The following NBEA variants were observed in gnomAD, a reference collection of about 807,000 sequenced individuals.
The protein encoded by NBEA is neurobeachin, also known as lysosomal-trafficking regulator 2.
NBEA carries 44 observed loss-of-function variants against 343.4 expected under a neutral mutation model. That is an observed-to-expected ratio of 0.13 (90% confidence interval 0.10 to 0.16). The LOEUF (loss-of-function observed/expected upper bound fraction) is 0.16. Ranked by LOEUF, NBEA falls within the 10% of genes least tolerant of loss-of-function variation. NBEA has a pLI of 1.00. For synonymous variants in NBEA, 1,175 were observed against 1,238.7 expected, an observed-to-expected ratio of 0.95 and a Z score of 1.08; for missense variants, 2,555 against 3,631.3, an observed-to-expected ratio of 0.70 and a Z score of 7.62.
intron 39 of NBEA, among the ~76,000 whole-genome samples, chr13:35,433,597 A>G (rs1423803472): frequency 6.6e-6 from 1 of 152,052 alleles, no homozygotes; most frequent in African/African-American, 2.4e-5. Context: ...GCATCAAAAT[A>G]TCATTAAAAA....
chr13:35,125,421 A>T (rs1324315535), intron 17 of NBEA, among the ~76,000 whole-genome samples: 2 of 152,216 alleles, frequency 1.3e-5, no homozygotes, highest in African/African-American at 2.4e-5. Flanking sequence ...GAAATAATAG[A>T]TATACATATA....
intron 17 of NBEA, among the ~76,000 whole-genome samples, chr13:35,136,892 A>G: frequency 6.6e-6 from 1 of 152,258 alleles, no homozygotes; most frequent in East Asian, 1.9e-4. Flanking sequence ...AAGTGAATTC[A>G]TTTGAAGTAG....
Position 35,023,182 on chromosome 13 carries a change from G to A in NBEA, c.295-17751G>A, listed in dbSNP as rs567105775. On this transcript the variant is annotated intron_variant, in intron 1 of 58. Coordinates refer to ENST00000379939, the MANE Select transcript of NBEA (RefSeq NM_001385012.1). Reference sequence around the variant, plus strand: ...ACCAAGGCTAAAAGGATAATATGGTGGCTTACACTATTCTTATTGTATATT... The same window carrying A: ...ACCAAGGCTAAAAGGATAATATGGTAGCTTACACTATTCTTATTGTATATT... Among the ~76,000 whole-genome samples, 6 of 152,040 alleles carry A rather than the reference G, an allele frequency of 3.9e-5. No individual in the cohort carries two copies. The East Asian group carries it at 1.2e-3, about 29-fold the overall frequency.
At chr13:34,986,085 T>C (rs894184552) in intron 1 of NBEA, among the ~76,000 whole-genome samples, 16 of 150,936 alleles carry the variant, frequency 1.1e-4, no homozygotes, top group African/African-American at 3.9e-4. Context: ...AGCTTTTGAA[T>C]GTGTTTGCTC....
intron 41 of NBEA, among the ~76,000 whole-genome samples, chr13:35,491,519 G>A (rs1013072936): frequency 3.6e-4 from 54 of 151,742 alleles, no homozygotes; most frequent in African/African-American, 1.3e-3. Flanking sequence ...GGTTTCTTAG[G>A]CCAACAACAT....
At chr13:35,137,828 A>T (rs551904959) in intron 17 of NBEA, among the ~76,000 whole-genome samples, 1 of 152,178 alleles carries the variant, frequency 6.6e-6, no homozygotes, top group Non-Finnish European at 1.5e-5. Context: ...AATAAAAATC[A>T]TTTTAAAATG....
rs1593302086 is a variant in NBEA at position 35,088,054 on chromosome 13, A to T, written c.1572-10243A>T. On this transcript the variant is annotated intron_variant, in intron 10 of 58. Coordinates refer to ENST00000379939, the MANE Select transcript of NBEA (RefSeq NM_001385012.1). ...AAGGTGCAGTGTTTTGGTATTTTGGATAGGTACTGAGGTATCACCTACCAT... is the reference window on the plus strand; with the variant it reads ...AAGGTGCAGTGTTTTGGTATTTTGGTTAGGTACTGAGGTATCACCTACCAT... Among the ~76,000 whole-genome samples, 2 of 151,934 alleles carry T rather than the reference A, an allele frequency of 1.3e-5. 1 individual carries two copies. The highest frequency in any genetic ancestry group is 4.8e-5 in the African/African-American group (2 of 41,480).
chr13:35,417,273 G>A (rs1379859024), intron 38 of NBEA, among the ~76,000 whole-genome samples: 2 of 151,812 alleles, frequency 1.3e-5, no homozygotes, highest in Admixed American at 1.3e-4. Flanking sequence ...TCTTCCTTCT[G>A]CTAGCTTTTG....
At chr13:35,082,037 A>G (rs2064434444) in intron 10 of NBEA, among the ~76,000 whole-genome samples, 1 of 152,118 alleles carries the variant, frequency 6.6e-6, no homozygotes, top group Admixed American at 6.6e-5. Context: ...ATTTAACATT[A>G]GGTATATCTC....
At chr13:35,285,194 T>A (rs574371344) in intron 34 of NBEA, among the ~76,000 whole-genome samples, 65 of 151,992 alleles carry the variant, frequency 4.3e-4, no homozygotes, top group African/African-American at 1.5e-3. Context: ...CTTTGGGAGG[T>A]CCAGGTGGAT....
chr13:35,098,139 T>C (rs2065434252), intron 10 of NBEA, among the ~76,000 whole-genome samples, 158 bp from the exon 11 acceptor site: 2 of 152,200 alleles, frequency 1.3e-5, no homozygotes, highest in African/African-American at 4.8e-5. Flanking sequence ...TATGAGGAAA[T>C]ATATTCTTTC....
At chr13:35,577,841 C>T (rs1286006458) in intron 45 of NBEA, among the ~76,000 whole-genome samples, 1 of 152,082 alleles carries the variant, frequency 6.6e-6, no homozygotes, top group African/African-American at 2.4e-5. Context: ...TAAGGCTTTA[C>T]AGATGCAATT....
At position 35,160,000 on chromosome 13, in the gene NBEA, A is replaced by G. The variant is rs760746615; in HGVS notation, c.3829A>G (p.Ile1277Val). The G allele has an allele frequency of 3.8e-6, 6 of 1,587,338 alleles. No homozygotes were observed. The highest frequency in any genetic ancestry group is 1.7e-4 in the Middle Eastern group (1 of 5,942). Residue 1277 changes from isoleucine to valine, a missense_variant, in exon 22 of 59, where the codon ATC becomes GTC. Ile to Val is a conservative substitution (Grantham distance 29). Coordinates refer to ENST00000379939, the MANE Select transcript of NBEA (RefSeq NM_001385012.1). ...CGATGGCAAAGAATCAGGAAAAGAA[A>G]TCCGAAAAATCCAAACAACTACTAC... ...SDDGKESGKE[I>V]RKIQTTTTTQ... is the part of the protein sequence containing the mutation.
At chr13:35,023,903 T>G (rs2061931020) in intron 1 of NBEA, among the ~76,000 whole-genome samples, 1 of 152,172 alleles carries the variant, frequency 6.6e-6, no homozygotes, top group African/African-American at 2.4e-5. Flanking sequence ...TGGGGGTTGG[T>G]GTACAAGTGA....
chr13:35,207,910 T>C (rs1220753075), intron 31 of NBEA, among the ~76,000 whole-genome samples: 2 of 152,152 alleles, frequency 1.3e-5, no homozygotes, highest in Admixed American at 6.6e-5. Context: ...AGCTTTACTA[T>C]GAAGAAGCTT....
rs141002598 is a variant in NBEA at position 35,240,553 on chromosome 13, T to G, written c.5776+7934T>G. Among the ~76,000 whole-genome samples, 1,336 of 152,040 alleles carry G rather than the reference T, an allele frequency of 8.8e-3. 20 individuals are homozygous for G. Among genetic ancestry groups the G allele is most frequent in the Non-Finnish European group, 0.012 (845 of 67,848 alleles). On this transcript the variant is annotated intron_variant, in intron 34 of 58. Transcript: ENST00000379939. ...TACCATGGGAACTCAATAATCAAAA[T>G]TAATACTGGAGGAAATTCTGCAATA...
rs368350232 is a variant in NBEA, at chr13:35,573,959, T to C, written c.7035+6942T>C. 4.3e-4 allele frequency among the ~76,000 whole-genome samples: 66 copies of C among 152,336 alleles called. No individual in the cohort carries two copies. In the East Asian group the frequency reaches 9.3e-3, roughly 21 times the overall value. Reference sequence around the variant, plus strand: ...TAGAAGTGATCTTGAAACTAATTTGTAGCCCCATCATTATCCTTCTACTTA... The same window carrying C: ...TAGAAGTGATCTTGAAACTAATTTGCAGCCCCATCATTATCCTTCTACTTA... On this transcript the variant is annotated intron_variant, in intron 45 of 58. Transcript: ENST00000379939.
At chr13:35,644,903 A>C (rs2153075735) in intron 49 of NBEA, among the ~76,000 whole-genome samples, 1 of 152,348 alleles carries the variant, frequency 6.6e-6, no homozygotes, top group South Asian at 2.1e-4. Flanking sequence ...AAATGTATAC[A>C]TAAAAATTGG....
chr13:35,000,138 C>T (rs543700908), intron 1 of NBEA, among the ~76,000 whole-genome samples: 14 of 152,128 alleles, frequency 9.2e-5, no homozygotes, highest in African/African-American at 3.1e-4. Flanking sequence ...GACATAAGGA[C>T]AATTTCAGGC....
Sources: gnomAD v4.1 joint callset for allele counts (sites outside exome capture counted in the v4.1 genomes callset) on GRCh38, gnomAD v4.1.1 for gene constraint, MANE v1.5 for transcripts, NCBI Gene and HGNC (gene_info 2026-07-23, HGNC 2026-07-21) for gene names.